Variants in PATJ observed in about 807,000 individuals in gnomAD.
PATJ encodes the protein inaD-like protein.
In PATJ, 190 loss-of-function variants were observed where a neutral mutation model predicts 224.9. The ratio of observed to expected loss-of-function variants is 0.84; its 90% CI spans 0.75 to 0.95. PATJ has a LOEUF of 0.95. Ranked by LOEUF, PATJ falls within the 40% of genes least tolerant of loss-of-function variation. The pLI is 0.00. For missense variants in PATJ, 2,121 were observed against 2,270.3 expected (o/e 0.93, Z 1.34); for synonymous variants, 769 against 820.3 (o/e 0.94, Z 1.07).
intron 27 of PATJ, among the ~76,000 whole-genome samples, chr1:61,928,341 C>A (rs548731797): frequency 4.7e-4 from 71 of 152,128 alleles, no homozygotes; most frequent in Non-Finnish European, 9.6e-4. Context: ...ATTTGCATTT[C>A]TTTTATGTGC....
intron 27 of PATJ, among the ~76,000 whole-genome samples, chr1:61,989,859 G>A (rs950718427): frequency 2.6e-5 from 4 of 152,240 alleles, no homozygotes; most frequent in Admixed American, 2.6e-4. Flanking sequence ...ATGACCTTAA[G>A]TACCTTCATT....
chr1:62,052,989 G>A (rs1474813356), intron 31 of PATJ, among the ~76,000 whole-genome samples: 1 of 152,132 alleles, frequency 6.6e-6, no homozygotes, highest in African/African-American at 2.4e-5. Flanking sequence ...CATCCACAGA[G>A]GAAATGGTAA....
chr1:61,864,473 C>T lies in PATJ; in HGVS notation c.2675C>T (p.Ser892Leu), dbSNP rs752504579. ...PSPSMELYPLSHIQEATPVPS... is the reference protein window; with the variant it reads ...PSPSMELYPLLHIQEATPVPS... ...CCATCCATGGAGTTGTATCCCTTGT[C>T]GCACATTCAAGAGGCCACTCCTGTG... The change falls in exon 20 of 44, where the codon TCG becomes TTG. Residue 892 changes from serine (S) to leucine (L), a missense_variant. Transcript: ENST00000642238. The T allele has an allele frequency of 1.1e-5, 17 of 1,613,820 alleles. No individual in the cohort carries two copies. The Admixed American group carries it at 1.7e-4, about 16-fold the overall frequency.
intron 27 of PATJ, among the ~76,000 whole-genome samples, chr1:61,937,341 TC>T (rs1677040683): frequency 6.6e-6 from 1 of 152,112 alleles, no homozygotes; most frequent in Non-Finnish European, 1.5e-5. Flanking sequence ...CAAGCAATCT[TC>T]CCGCCTCAGC....
At chr1:61,908,747 C>G (rs1557859915) in intron 25 of PATJ, among the ~76,000 whole-genome samples, 1 of 152,146 alleles carries the variant, frequency 6.6e-6, no homozygotes, top group African/African-American at 2.4e-5. Flanking sequence ...TTTCTTGATT[C>G]CTTATTTACC....
At chr1:61,988,372 T>A (rs1644879443) in intron 27 of PATJ, among the ~76,000 whole-genome samples, 1 of 152,214 alleles carries the variant, frequency 6.6e-6, no homozygotes, top group Admixed American at 6.5e-5. Flanking sequence ...TTAACTTTAT[T>A]TCTCCTGTTA....
At position 61,788,598 on chromosome 1, in the gene PATJ, C is replaced by G. The variant is rs71641743; in HGVS notation, c.1068+626C>G. On this transcript the variant is annotated intron_variant, in intron 8 of 43. Coordinates refer to ENST00000642238, the MANE Select transcript of PATJ (RefSeq NM_001350145.3). Reference sequence around the variant, plus strand: ...CATTCCAAACTCCTTCCCATTATCTCAACATGGGCTTTTAATGAAGACATA... The same window carrying G: ...CATTCCAAACTCCTTCCCATTATCTGAACATGGGCTTTTAATGAAGACATA... Among the ~76,000 whole-genome samples, 270 of 152,290 alleles carry G rather than the reference C, an allele frequency of 1.8e-3. 1 individual carries two copies. Among genetic ancestry groups the G allele is most frequent in the Non-Finnish European group, 3.5e-3 (236 of 68,028 alleles).
At chr1:62,032,469 C>T (rs1332633) in intron 29 of PATJ, among the ~76,000 whole-genome samples, 94,293 of 152,050 alleles carry the variant, frequency 0.62, 30,206 homozygotes, top group African/African-American at 0.79. Flanking sequence ...CTTTATCTTA[C>T]AGTCAGCTGT....
At position 61,797,378 on chromosome 1, in the gene PATJ, G is replaced by A. The variant is rs142139434; in HGVS notation, c.1352G>A (p.Arg451Gln). The change falls in exon 11 of 44, where the codon CGA becomes CAA. Residue 451 changes from arginine (R) to glutamine (Q), a missense_variant. Transcript: ENST00000642238. ...AGQVVHLTLV[R>Q]RKTSSSTSPL... ...CAGGTGGTACACCTAACCCTAGTTC[G>A]AAGGAAGACATCCTCATCTACTTCT... 17 of 1,613,708 alleles carry A rather than the reference G, an allele frequency of 1.1e-5. No homozygotes were observed. The highest frequency in any genetic ancestry group is 5.0e-5 in the Admixed American group (3 of 59,984).
At chr1:61,811,844 G>A (rs921480475) in intron 14 of PATJ, among the ~76,000 whole-genome samples, 1 of 151,040 alleles carries the variant, frequency 6.6e-6, no homozygotes, top group African/African-American at 2.4e-5. Context: ...GGTGGATCAC[G>A]AGGTCAGGAG....
chr1:61,785,722 AT>A (rs1648359155), intron 7 of PATJ, among the ~76,000 whole-genome samples: 1 of 152,224 alleles, frequency 6.6e-6, no homozygotes, highest in Non-Finnish European at 1.5e-5. Context: ...TGTTTCAAAA[AT>A]TTATCAAAGA....
chr1:61,759,729 T>G (rs566241767), intron 1 of PATJ, among the ~76,000 whole-genome samples: 3 of 152,322 alleles, frequency 2.0e-5, no homozygotes, highest in African/African-American at 7.2e-5. Context: ...GATAATTTAC[T>G]TTTTCCAGGA....
At chr1:62,136,006 G>C (rs1187090896) in intron 41 of PATJ, among the ~76,000 whole-genome samples, 1 of 135,762 alleles carries the variant, frequency 7.4e-6, no homozygotes, top group African/African-American at 2.7e-5. Flanking sequence ...CACTTCTTCA[G>C]ACCATTAGAT....
intron 14 of PATJ, among the ~76,000 whole-genome samples, chr1:61,812,433 A>AGAGTGTGTGTGTGT (rs1397549346): frequency 3.4e-4 from 29 of 85,204 alleles, no homozygotes; most frequent in African/African-American, 1.0e-3. Context: ...AGAGAGAGAG[A>AGAGTGTGTGTGTGT]GTGTGTGTGT....
chr1:61,831,822 T>C (rs1284516143), intron 16 of PATJ, among the ~76,000 whole-genome samples: 2 of 152,220 alleles, frequency 1.3e-5, no homozygotes, highest in African/African-American at 4.8e-5. Flanking sequence ...AGCAGTCCCA[T>C]TACTGCGTAT....
chr1:61,919,117 G>A (rs968131116), intron 26 of PATJ, among the ~76,000 whole-genome samples: 1 of 151,674 alleles, frequency 6.6e-6, no homozygotes, highest in African/African-American at 2.4e-5. Flanking sequence ...ACCTTTTGAA[G>A]TGTGTTCGTC....
chr1:62,074,735 G>A (rs1040049621), intron 31 of PATJ, among the ~76,000 whole-genome samples: 2 of 152,092 alleles, frequency 1.3e-5, no homozygotes, highest in Admixed American at 6.6e-5. Flanking sequence ...AGGCTGAAAC[G>A]GGTGGATCAC....
chr1:62,066,596 G>A (rs1277678995), intron 31 of PATJ, among the ~76,000 whole-genome samples: 2 of 152,162 alleles, frequency 1.3e-5, no homozygotes, highest in African/African-American at 4.8e-5. Flanking sequence ...GTGGTTAGAT[G>A]AGTAGGAATT....
chr1:62,117,050 C>A, intron 36 of PATJ, 82 bp from the exon 37 acceptor site: 1 of 1,133,470 alleles, frequency 8.8e-7, no homozygotes, highest in Non-Finnish European at 1.3e-6. Flanking sequence ...TAATTTGTGG[C>A]TGCAGGGAGA....
Sources: allele counts gnomAD v4.1 joint callset (sites outside exome capture counted in the v4.1 genomes callset), GRCh38; gene constraint gnomAD v4.1.1; transcripts MANE v1.5; gene names NCBI Gene and HGNC (gene_info 2026-07-23, HGNC 2026-07-21).